The following KRT8 variants were observed in gnomAD, a reference collection of about 807,000 sequenced individuals.
KRT8 encodes the protein keratin, type II cytoskeletal 8.
KRT8 carries 24 observed loss-of-function variants against 43.0 expected under a neutral mutation model. That is an observed-to-expected ratio of 0.56 (90% CI 0.40 to 0.78). KRT8 has a LOEUF of 0.78. Ranked by LOEUF, KRT8 falls within the 30% of genes least tolerant of loss-of-function variation. The pLI, the probability that KRT8 is intolerant of heterozygous loss-of-function variation, is 0.00. For missense variants in KRT8, 492 were observed against 638.4 expected (o/e 0.77, Z 2.47); for synonymous variants, 214 against 261.2 (o/e 0.82, Z 1.74).
At chr12:52,919,937 C>G (rs146324198) in intron 2 of KRT8, among the ~76,000 whole-genome samples, 6 of 152,238 alleles carry the variant, frequency 3.9e-5, no homozygotes, top group African/African-American at 1.4e-4. Flanking sequence ...CGTGAGCCAC[C>G]GCACCTATTA....
intron 2 of KRT8, chr12:52,948,627 G>A (rs1206107608): frequency 3.4e-6 from 1 of 297,458 alleles, no homozygotes; most frequent in African/African-American, 2.2e-5. Flanking sequence ...AAGTAGCTGA[G>A]ACTACAGGCG....
chr12:52,918,156 G>GGAA (rs751825750), intron 2 of KRT8, among the ~76,000 whole-genome samples: 32 of 68,058 alleles, frequency 4.7e-4, no homozygotes, highest in Admixed American at 2.8e-3. Context: ...AGGGAGAAGG[G>GGAA]GAAGAAGAAG....
intron 2 of KRT8, among the ~76,000 whole-genome samples, chr12:52,931,192 C>T (rs989438682): frequency 1.3e-5 from 2 of 151,800 alleles, no homozygotes; most frequent in African/African-American, 4.8e-5. Flanking sequence ...CTCAGTCTCC[C>T]GAGTAGCTGG....
chr12:52,905,199 TG>T, upstream of KRT8: 4 of 811,962 alleles, frequency 4.9e-6, no homozygotes, highest in South Asian at 8.4e-5. Flanking sequence ...AGGACTCAGG[TG>T]GGGGCAGCAG....
At chr12:52,904,000 T>A (rs1592165698) in intron 1 of KRT8, among the ~76,000 whole-genome samples, 1 of 150,418 alleles carries the variant, frequency 6.6e-6, no homozygotes, top group East Asian at 2.0e-4. Context: ...GGGGCCGGGG[T>A]ATGACTCATT....
At chr12:52,900,174 G>T in intron 4 of KRT8, 109 bp from the exon 5 acceptor site, 1 of 1,140,028 alleles carries the variant, frequency 8.8e-7, no homozygotes, top group Non-Finnish European at 1.3e-6. Flanking sequence ...GAGGAGAGGA[G>T]CAGGTGGGAG....
rs1180156543 is a variant in KRT8, at chr12:52,924,063, C to T, written c.-46-19036G>A. 1.6e-4 allele frequency among the ~76,000 whole-genome samples: 25 copies of T among 151,952 alleles called. No individual in the cohort carries two copies. In the East Asian group the frequency reaches 4.9e-3, roughly 30 times the overall value. On this transcript the variant is annotated intron_variant, in intron 2 of 6. Transcript: ENST00000546826. ...GGTTTTACCATGTTGGCCAGGCTGG[C>T]CTCAAACTCCTGACCTCAGGTGATC...
intron 3 of KRT8, 55 bp downstream of exon 3, chr12:52,901,104 G>A: frequency 7.9e-7 from 1 of 1,266,512 alleles, no homozygotes; most frequent in Admixed American, 1.7e-5. Flanking sequence ...TTCTTGGTCT[G>A]AGTCTCTGAG....
At chr12:52,902,330 T>A in intron 1 of KRT8, 1 of 512,478 alleles carries the variant, frequency 2.0e-6, no homozygotes, top group Non-Finnish European at 3.5e-6. Context: ...AAGCTGCATT[T>A]GCAAACCAAT....
chr12:52,910,763 C>G (rs976308486), upstream of KRT8, among the ~76,000 whole-genome samples: 1 of 152,210 alleles, frequency 6.6e-6, no homozygotes, highest in African/African-American at 2.4e-5. Flanking sequence ...TGCCCACCCC[C>G]ACCCCAGCCC....
chr12:52,920,184 A>G (rs75708481), intron 2 of KRT8, among the ~76,000 whole-genome samples: 1 of 152,212 alleles, frequency 6.6e-6, no homozygotes. Context: ...GATTCAAAAC[A>G]TGTTTATTAT....
At chr12:52,912,061 T>C (rs1941647180) in intron 2 of KRT8, among the ~76,000 whole-genome samples, 1 of 152,128 alleles carries the variant, frequency 6.6e-6, no homozygotes, top group Admixed American at 6.5e-5. Flanking sequence ...GTATTTGTGT[T>C]TTTAAAAAGT....
chr12:52,949,309 A>T (rs760412718), intron 2 of KRT8: 3 of 1,610,408 alleles, frequency 1.9e-6, no homozygotes, highest in Non-Finnish European at 2.5e-6. Context: ...TGGTTCCCGG[A>T]TCTCCGTGTC....
At chr12:52,917,880 AAAG>A (rs1387228020) in intron 2 of KRT8, among the ~76,000 whole-genome samples, 147 of 150,780 alleles carry the variant, frequency 9.7e-4, no homozygotes, top group African/African-American at 3.4e-3. Context: ...CTTCATCTCA[AAAG>A]AAGAAGAAGA....
At chr12:52,935,770 A>G (rs971013728) in intron 2 of KRT8, among the ~76,000 whole-genome samples, 1 of 151,878 alleles carries the variant, frequency 6.6e-6, no homozygotes, top group Non-Finnish European at 1.5e-5. Context: ...CTGCCTCCCA[A>G]CAGCTGGAAT....
At chr12:52,937,671 G>T (rs541321069) in intron 2 of KRT8, among the ~76,000 whole-genome samples, 76 of 149,516 alleles carry the variant, frequency 5.1e-4, no homozygotes, top group African/African-American at 1.6e-3. Context: ...CTGGGTGAGG[G>T]AGTGAAACTC....
chr12:52,901,908 C>A (rs779700611), exon 2 of KRT8: 1 of 1,611,628 alleles, frequency 6.2e-7, no homozygotes, highest in African/African-American at 1.3e-5. Context: ...TGCCAAGCTC[C>A]GCCTCCAGCT....
intron 5 of KRT8, 41 bp from the exon 6 acceptor site, chr12:52,898,940 G>C: frequency 6.3e-7 from 1 of 1,579,556 alleles, no homozygotes; most frequent in Non-Finnish European, 8.7e-7. Flanking sequence ...GGTTGGGTAT[G>C]CCTTCTCTTC....
At chr12:52,948,506 T>TC (rs1942389667) in intron 2 of KRT8, 1 of 126,912 alleles carries the variant, frequency 7.9e-6, no homozygotes, top group Non-Finnish European at 1.5e-5. Context: ...TTTTTTTTTT[T>TC]TTTTTTTTTG....
Sources: allele counts gnomAD v4.1 joint callset (sites outside exome capture counted in the v4.1 genomes callset), GRCh38; gene constraint gnomAD v4.1.1; transcripts MANE v1.5; gene names NCBI Gene and HGNC (gene_info 2026-07-23, HGNC 2026-07-21).